Variants in CABIN1 observed in about 807,000 individuals in gnomAD.
The protein encoded by CABIN1 is calcineurin-binding protein cabin-1.
Under a neutral mutation model 227.7 loss-of-function variants are expected in CABIN1, and 133 were observed. The observed-to-expected ratio is 0.58, with a 90% CI of 0.51 to 0.67. CABIN1 has a LOEUF of 0.67. CABIN1 is among the 30% of genes least tolerant of loss of function. CABIN1 has a pLI of 0.00. For missense variants in CABIN1, 2,408 were observed against 2,852.5 expected (o/e 0.84, Z 3.55); for synonymous variants, 1,086 against 1,155.1 (o/e 0.94, Z 1.21).
chr22:24,015,270 C>CAAAAAA (rs1199906542), intron 1 of CABIN1, among the ~76,000 whole-genome samples: 11 of 50,712 alleles, frequency 2.2e-4, no homozygotes, highest in South Asian at 1.0e-3. Flanking sequence ...AATCCATCTC[C>CAAAAAA]AAAAAAAAAA....
chr22:24,041,510 C>A (rs1359809659), intron 5 of CABIN1, among the ~76,000 whole-genome samples: 1 of 152,154 alleles, frequency 6.6e-6, no homozygotes, highest in Non-Finnish European at 1.5e-5. Context: ...TGAATTCTTC[C>A]TTTGCTGCTC....
intron 17 of CABIN1, 89 bp downstream of exon 17, chr22:24,071,131 G>C: frequency 6.4e-7 from 1 of 1,559,764 alleles, no homozygotes. Context: ...AGCTTTCATT[G>C]CTAATTAGGC....
intron 28 of CABIN1, among the ~76,000 whole-genome samples, chr22:24,121,595 C>G (rs1483545587): frequency 6.6e-6 from 1 of 152,254 alleles, no homozygotes; most frequent in Non-Finnish European, 1.5e-5. Flanking sequence ...TCTTAATAAA[C>G]CCCAACCAGC....
intron 7 of CABIN1, among the ~76,000 whole-genome samples, chr22:24,049,987 A>G (rs2038201979): frequency 6.6e-6 from 1 of 151,748 alleles, no homozygotes; most frequent in Non-Finnish European, 1.5e-5. Flanking sequence ...TCACTTACAA[A>G]CTTATCTGTT....
intron 6 of CABIN1, among the ~76,000 whole-genome samples, chr22:24,046,840 G>T (rs2037922810): frequency 6.6e-6 from 1 of 152,116 alleles, no homozygotes; most frequent in African/African-American, 2.4e-5. Context: ...GTTTCAGTCT[G>T]TAGGCTGGCA....
intron 28 of CABIN1, among the ~76,000 whole-genome samples, chr22:24,129,857 G>T (rs1235674487): frequency 6.6e-6 from 1 of 152,212 alleles, no homozygotes; most frequent in Non-Finnish European, 1.5e-5. Flanking sequence ...AGAGGGGTTG[G>T]AGGGTATGGG....
intron 8 of CABIN1, among the ~76,000 whole-genome samples, chr22:24,051,666 TCTGGCCTGGATCAGA>T (rs2038346451): frequency 6.6e-6 from 1 of 152,132 alleles, no homozygotes; most frequent in Non-Finnish European, 1.5e-5. Context: ...CTGAGGGAGC[TCTGGCCTGGATCAGA>T]CTGACCTGAC....
chr22:24,141,930 G>C (rs35069153), intron 29 of CABIN1, among the ~76,000 whole-genome samples: 2,893 of 152,188 alleles, frequency 0.019, 36 homozygotes, highest in South Asian at 0.035. Context: ...GCCTTGATGT[G>C]GTCTGGTAGG....
In CABIN1 at chr22:24,173,615, C is replaced by CACGA. The variant is rs535591731; in HGVS notation, c.6040+1621_6040+1624dup. Among the ~76,000 whole-genome samples, 14 of 152,312 alleles carry CACGA rather than the reference C, an allele frequency of 9.2e-5. No individual in the cohort carries two copies. The East Asian group carries it at 2.7e-3, about 29-fold the overall frequency. On this transcript the variant is annotated intron_variant, in intron 34 of 36. Transcript: ENST00000263119. ...CAGTGGGAGGCCGAGGTGGGCGGAT[C>CACGA]ACGAGGTCAAGAGATGGAGACCATC... is the stretch of plus-strand genomic sequence containing the variant.
At position 24,177,799 on chromosome 22, in the gene CABIN1, G is replaced by A. The variant is rs754961673; in HGVS notation, c.6501G>A (p.Glu2167=). Residue 2167 remains glutamate (E), a synonymous_variant, in exon 36 of 37, where the codon GAG becomes GAA. Coordinates refer to ENST00000263119, the MANE Select transcript of CABIN1 (RefSeq NM_012295.4). This position sits in a 1 kb window ranked among gnomAD's most constrained non-coding sequence, Gnocchi z 4.4. The stretch of plus-strand genomic sequence containing the variant: ...CCCCCAAAGGCAGCATCTCGGAGGA[G>A]ACCAAGCAGAAGCTGAAGGTGACCT... ...LLSPKGSISE[E]TKQKLKSAIL... The A allele has an allele frequency of 1.2e-6, 2 of 1,607,632 alleles. No individual in the cohort carries two copies. The highest frequency in any genetic ancestry group is 2.2e-5 in the South Asian group (2 of 90,564).
At chr22:24,031,806 A>C (rs1237361028) in intron 1 of CABIN1, among the ~76,000 whole-genome samples, 2 of 152,194 alleles carry the variant, frequency 1.3e-5, no homozygotes, top group Admixed American at 1.3e-4. Context: ...GGGAGTCATC[A>C]GGGTGTGGCT....
At position 24,164,736 on chromosome 22, in the gene CABIN1, C is replaced by G. The variant is rs543165176; in HGVS notation, c.4910+173C>G. Among the ~76,000 whole-genome samples the G allele has an allele frequency of 4.4e-4, 67 of 152,266 alleles. 1 individual carries two copies. The highest frequency in any genetic ancestry group is 4.2e-3 in the Admixed American group (64 of 15,300). On this transcript the variant is annotated intron_variant, in intron 30 of 36. Transcript: ENST00000263119. ...TCTGTCCCAGTGTCTAGAACCTAAA[C>G]AACACTTCCCACCCCCAGGCACCCT...
chr22:24,146,760 A>G (rs555709608), intron 29 of CABIN1, among the ~76,000 whole-genome samples: 64 of 152,264 alleles, frequency 4.2e-4, no homozygotes, highest in Non-Finnish European at 8.2e-4. Flanking sequence ...GACAGTTTTC[A>G]TCTCCAGATG....
chr22:24,064,270 A>G (rs924250001), intron 15 of CABIN1, 83 bp downstream of exon 15: 25 of 1,444,708 alleles, frequency 1.7e-5, no homozygotes, highest in Non-Finnish European at 2.1e-5. Context: ...TAATAGTGCA[A>G]TCTCGGCTCA....
intron 18 of CABIN1, among the ~76,000 whole-genome samples, chr22:24,075,780 G>C (rs1347673517): frequency 6.6e-6 from 1 of 151,858 alleles, no homozygotes; most frequent in Non-Finnish European, 1.5e-5. Flanking sequence ...GTTAAGAAAT[G>C]GCATGTGTAG....
At chr22:24,125,443 G>A (rs551663308) in intron 28 of CABIN1, among the ~76,000 whole-genome samples, 3 of 152,308 alleles carry the variant, frequency 2.0e-5, no homozygotes, top group South Asian at 4.1e-4. Flanking sequence ...CAGGACTATC[G>A]TGCAGGTTAA....
intron 24 of CABIN1, among the ~76,000 whole-genome samples, chr22:24,094,543 C>T (rs952372437): frequency 5.9e-5 from 9 of 152,208 alleles, no homozygotes; most frequent in South Asian, 4.1e-4. Context: ...TCTGGCCGGG[C>T]GCGGTGGCTC....
At chr22:24,111,830 A>G (rs2042824811) in intron 26 of CABIN1, among the ~76,000 whole-genome samples, 1 of 152,176 alleles carries the variant, frequency 6.6e-6, no homozygotes, top group African/African-American at 2.4e-5. Flanking sequence ...CCTGTTTTCA[A>G]GTTTTGATTT....
Position 24,167,135 on chromosome 22 carries a change from AC to A in CABIN1, c.5507del (p.Pro1836ArgfsTer70). On this transcript the variant is annotated frameshift_variant, in exon 32 of 37. Coordinates refer to ENST00000263119, the MANE Select transcript of CABIN1 (RefSeq NM_012295.4). LOFTEE classifies it high-confidence loss of function. ...ATTTGTRAGGHPEEPLSRLSR... is the reference protein window; with the variant it reads ...ATTTGTRAGGXPEEPLSRLSR... Reference sequence around the variant, plus strand: ...ACCACAGGGACCAGGGCAGGGGGCCACCCGGAGGAGCCGCTCTCCCGGCTCA... The same window carrying A: ...ACCACAGGGACCAGGGCAGGGGGCCACCGGAGGAGCCGCTCTCCCGGCTCA... 4 of 1,584,206 alleles carry A rather than the reference AC, an allele frequency of 2.5e-6. No homozygotes were observed. Among genetic ancestry groups the A allele is most frequent in the Non-Finnish European group, 3.4e-6 (4 of 1,167,870 alleles).
Sources: gnomAD v4.1 joint callset for allele counts (sites outside exome capture counted in the v4.1 genomes callset) on GRCh38, gnomAD v4.1.1 for gene constraint, Gnocchi (gnomAD v3.1) non-coding constraint, MANE v1.5 for transcripts, NCBI Gene and HGNC (gene_info 2026-07-23, HGNC 2026-07-21) for gene names.